FSTL4: variants seen among roughly 807,000 people sequenced by gnomAD.
The protein encoded by FSTL4 is follistatin-related protein 4.
A neutral mutation model predicts 78.2 loss-of-function variants in FSTL4; 28 were observed. The ratio of observed to expected loss-of-function variants is 0.36; its 90% confidence interval spans 0.27 to 0.49. FSTL4 has a LOEUF of 0.49. Ranked by LOEUF, FSTL4 falls within the 20% of genes least tolerant of loss-of-function variation. FSTL4 has a pLI of 0.98. For missense variants in FSTL4, 922 were observed against 1,084.9 expected (o/e 0.85, Z 2.11); for synonymous variants, 422 against 440.5 (o/e 0.96, Z 0.53).
At chr5:133,428,154 A>G (rs1374634699) in intron 3 of FSTL4, among the ~76,000 whole-genome samples, 2 of 152,234 alleles carry the variant, frequency 1.3e-5, no homozygotes, top group Non-Finnish European at 2.9e-5. Context: ...TATCATTGCC[A>G]TACACTTACA....
At chr5:133,495,132 A>G (rs1330553532) in intron 3 of FSTL4, among the ~76,000 whole-genome samples, 1 of 152,228 alleles carries the variant, frequency 6.6e-6, no homozygotes, top group Non-Finnish European at 1.5e-5. Flanking sequence ...ATCCACACAC[A>G]TGCTAGCCCA....
intron 3 of FSTL4, 59 bp from the exon 4 acceptor site, chr5:133,401,045 G>T (rs778766722): frequency 5.2e-5 from 82 of 1,587,138 alleles, no homozygotes; most frequent in Non-Finnish European, 6.4e-5. Context: ...CTGGGGTCGA[G>T]GGCTTCCTTT....
intron 6 of FSTL4, among the ~76,000 whole-genome samples, chr5:133,274,380 C>CTTTTTT (rs59634629): frequency 4.2e-5 from 3 of 71,030 alleles, no homozygotes; most frequent in Non-Finnish European, 7.2e-5. Context: ...GCAATCTGTG[C>CTTTTTT]TTTTTTTTTT....
the FSTL4 span, among the ~76,000 whole-genome samples, chr5:133,675,906 C>T: frequency 0.022 from 3,377 of 152,224 alleles, 120 homozygotes; most frequent in African/African-American, 0.077. Context: ...GGCCTGGCAA[C>T]AAGGCAGAGT....
At chr5:133,741,089 G>T in the FSTL4 span, among the ~76,000 whole-genome samples, 1 of 152,038 alleles carries the variant, frequency 6.6e-6, no homozygotes, top group Non-Finnish European at 1.5e-5. Context: ...AAAGAGAATG[G>T]GTTGGCATAA....
intron 4 of FSTL4, among the ~76,000 whole-genome samples, chr5:133,358,579 A>G (rs1754992649): frequency 6.8e-6 from 1 of 146,352 alleles, no homozygotes; most frequent in Non-Finnish European, 1.5e-5. Context: ...CATCCCAGCC[A>G]GGGTTCTATT....
At chr5:133,629,724 G>A in the FSTL4 span, among the ~76,000 whole-genome samples, 12 of 152,280 alleles carry the variant, frequency 7.9e-5, no homozygotes, top group African/African-American at 2.6e-4. Context: ...TATCCCTGAC[G>A]AACATCAATG....
chr5:133,508,677 CA>C (rs1014596445), intron 3 of FSTL4, among the ~76,000 whole-genome samples: 8 of 152,196 alleles, frequency 5.3e-5, no homozygotes, highest in African/African-American at 1.9e-4. Flanking sequence ...GCAAAAACGA[CA>C]CCACTTTGTA....
chr5:133,217,663 T>A (rs938609794), intron 12 of FSTL4, among the ~76,000 whole-genome samples: 13 of 152,216 alleles, frequency 8.5e-5, no homozygotes, highest in Non-Finnish European at 1.5e-5. Context: ...ATCTTCATTT[T>A]AAAAACTTCT....
At chr5:133,381,538 A>G (rs1755570545) in intron 4 of FSTL4, among the ~76,000 whole-genome samples, 1 of 152,202 alleles carries the variant, frequency 6.6e-6, no homozygotes, top group Non-Finnish European at 1.5e-5. Context: ...GACAGTGGTC[A>G]CCTCCAGGCA....
chr5:133,431,365 C>G (rs184623423), intron 3 of FSTL4, among the ~76,000 whole-genome samples: 1 of 152,178 alleles, frequency 6.6e-6, no homozygotes, highest in Non-Finnish European at 1.5e-5. Flanking sequence ...AATGGAACAG[C>G]CAAGACTTGA....
the FSTL4 span, among the ~76,000 whole-genome samples, chr5:133,722,377 G>A: frequency 6.6e-6 from 1 of 152,122 alleles, no homozygotes; most frequent in Admixed American, 6.5e-5. Flanking sequence ...AAAGGTTGGG[G>A]ACCACTGCTC....
At chr5:133,492,873 C>A (rs1278911306) in intron 3 of FSTL4, among the ~76,000 whole-genome samples, 1 of 151,790 alleles carries the variant, frequency 6.6e-6, no homozygotes, top group African/African-American at 2.4e-5. Context: ...TTAATATTTT[C>A]TCTTAATATC....
At chr5:133,623,092 T>A in the FSTL4 span, among the ~76,000 whole-genome samples, 1 of 151,918 alleles carries the variant, frequency 6.6e-6, no homozygotes, top group Non-Finnish European at 1.5e-5. Flanking sequence ...ATGAGGTCTT[T>A]TTTTTTTTCC....
chr5:133,677,299 A>T, the FSTL4 span, among the ~76,000 whole-genome samples: 1 of 152,160 alleles, frequency 6.6e-6, no homozygotes, highest in Non-Finnish European at 1.5e-5. Flanking sequence ...TGGGCCCTGG[A>T]GGTCATTTAG....
chr5:133,523,400 G>A (rs180800307), intron 3 of FSTL4, among the ~76,000 whole-genome samples: 2 of 152,310 alleles, frequency 1.3e-5, no homozygotes, highest in African/African-American at 4.8e-5. Flanking sequence ...TCCATGCCTG[G>A]AGCTGCGTGG....
chr5:133,210,197 A>T lies in FSTL4; in HGVS notation c.1710T>A (p.Ser570Arg). Reference protein sequence around the residue: ...SWGDVHKSRPSLQVITEASTG... With the variant: ...SWGDVHKSRPRLQVITEASTG... ...CTCCATGTGCTCAACATACCTGGAGACTTGGTCGGGACTTGTGCACGTCCC... is the reference window on the plus strand; with the variant it reads ...CTCCATGTGCTCAACATACCTGGAGTCTTGGTCGGGACTTGTGCACGTCCC... Residue 570 changes from serine to arginine, a missense_variant, in exon 14 of 16, where the codon AGT becomes AGA. Transcript: ENST00000265342. 6.4e-7 allele frequency: 1 copy of T among 1,573,446 alleles called. No homozygotes were observed. The highest frequency in any genetic ancestry group is 8.7e-7 in the Non-Finnish European group (1 of 1,142,986).
the FSTL4 span, among the ~76,000 whole-genome samples, chr5:133,726,987 C>A: frequency 7.9e-5 from 12 of 152,086 alleles, no homozygotes; most frequent in African/African-American, 1.2e-4. Context: ...AAATTGGAGA[C>A]CGTGGCATGT....
At chr5:133,619,988 T>C in the FSTL4 span, among the ~76,000 whole-genome samples, 1 of 152,216 alleles carries the variant, frequency 6.6e-6, no homozygotes, top group Non-Finnish European at 1.5e-5. Flanking sequence ...AAGTTCCATT[T>C]TGTATCATTT....
Sources: gnomAD v4.1 joint callset for allele counts (sites outside exome capture counted in the v4.1 genomes callset) on GRCh38, gnomAD v4.1.1 for gene constraint, MANE v1.5 for transcripts, NCBI Gene and HGNC (gene_info 2026-07-23, HGNC 2026-07-21) for gene names.